The following SLCO2B1 variants were observed in gnomAD, a reference collection of about 807,000 sequenced individuals.
SLCO2B1 encodes OATP-RP2.
A neutral mutation model predicts 67.3 loss-of-function variants in SLCO2B1; 41 were observed. The observed-to-expected ratio is 0.61, with a 90% CI of 0.47 to 0.79. The LOEUF (loss-of-function observed/expected upper bound fraction) is 0.79, where lower values mean the gene tolerates loss of function less well. SLCO2B1 is among the 30% of genes least tolerant of loss of function. The pLI is 0.00. For synonymous variants in SLCO2B1, 379 were observed against 381.4 expected (o/e 0.99, Z 0.07); for missense variants, 837 against 920.1 (o/e 0.91, Z 1.17).
At chr11:75,182,078 T>A (rs1950098229) in intron 7 of SLCO2B1, among the ~76,000 whole-genome samples, 1 of 152,184 alleles carries the variant, frequency 6.6e-6, no homozygotes, top group Admixed American at 6.5e-5. Context: ...ACTGCTGTAA[T>A]CAAGTTGGTG....
At chr11:75,198,531 C>T (rs976599605) in intron 10 of SLCO2B1, among the ~76,000 whole-genome samples, 1 of 152,212 alleles carries the variant, frequency 6.6e-6, no homozygotes, top group African/African-American at 2.4e-5. Context: ...CAGGAAAGGA[C>T]CAGACATTGC....
chr11:75,200,272 G>T lies in SLCO2B1; in HGVS notation c.1648G>T (p.Ala550Ser). Residue 550 changes from alanine (A) to serine (S), a missense_variant, in exon 11 of 14, where the codon GCA becomes TCA. Coordinates refer to ENST00000289575, the MANE Select transcript of SLCO2B1 (RefSeq NM_007256.5). Reference sequence around the variant, plus strand: ...CGTGGTGGAGGGCAACCCCGTGCTGGCAGGATCCTGCGACTCAACGTGCAG... The same window carrying T: ...CGTGGTGGAGGGCAACCCCGTGCTGTCAGGATCCTGCGACTCAACGTGCAG... ...SCVVEGNPVL[A>S]GSCDSTCSHL... 1 of 1,613,840 alleles carries T rather than the reference G, an allele frequency of 6.2e-7. No individual in the cohort carries two copies. The highest frequency in any genetic ancestry group is 8.5e-7 in the Non-Finnish European group (1 of 1,179,920).
chr11:75,169,761 G>A lies in SLCO2B1; in HGVS notation c.778G>A (p.Glu260Lys). The A allele has an allele frequency of 6.2e-7, 1 of 1,613,636 alleles. No individual in the cohort carries two copies. Among genetic ancestry groups the A allele is most frequent in the Non-Finnish European group, 8.5e-7 (1 of 1,179,546 alleles). Residue 260 changes from glutamate (E) to lysine (K), a missense_variant, in exon 6 of 14, where the codon GAA (glutamate) becomes AAA (lysine). By Grantham distance (56) the Glu-to-Lys change is moderately conservative. Transcript: ENST00000289575. The stretch of plus-strand genomic sequence containing the variant: ...TTATGTGGACATTAACCAGATGCCA[G>A]AAGGTGAGCCTCAGGAGCACATGTT... Reference protein sequence around the residue: ...RLYVDINQMPEGGISLTIKDP... With the variant: ...RLYVDINQMPKGGISLTIKDP...
chr11:75,186,206 T>G (rs1944927206), intron 7 of SLCO2B1, among the ~76,000 whole-genome samples: 1 of 151,576 alleles, frequency 6.6e-6, no homozygotes, highest in Admixed American at 6.6e-5. Context: ...CCACCACACC[T>G]GGCTGATTTT....
intron 4 of SLCO2B1, among the ~76,000 whole-genome samples, chr11:75,166,564 C>A (rs1949895013): frequency 6.6e-6 from 1 of 152,062 alleles, no homozygotes; most frequent in South Asian, 2.1e-4. Context: ...CCCACTCACC[C>A]ACCCACCCAC....
intron 6 of SLCO2B1, 53 bp downstream of exon 6, chr11:75,169,817 T>A (rs1327900244): frequency 6.8e-7 from 1 of 1,465,208 alleles, no homozygotes; most frequent in South Asian, 1.1e-5. Context: ...ACTGCCACTC[T>A]CATAGGAGAC....
intron 10 of SLCO2B1, among the ~76,000 whole-genome samples, chr11:75,199,206 C>G (rs1355328508): frequency 6.6e-6 from 1 of 152,162 alleles, no homozygotes; most frequent in Non-Finnish European, 1.5e-5. Context: ...TGTGAAGGGT[C>G]TTCAGACCCT....
In SLCO2B1 at chr11:75,169,206, G is replaced by T. The variant is rs1399675655; in HGVS notation, c.482G>T (p.Cys161Phe). Reference sequence around the variant, plus strand: ...CCACAGGACTTCAAGGCTTCCCTGTGCCTGCCCACAACCTCGGCCCCAGCC... The same window carrying T: ...CCACAGGACTTCAAGGCTTCCCTGTTCCTGCCCACAACCTCGGCCCCAGCC... ...DMPQDFKASLCLPTTSAPASA... is the reference protein window; with the variant it reads ...DMPQDFKASLFLPTTSAPASA... Residue 161 changes from cysteine to phenylalanine, a missense_variant, in exon 5 of 14, where the codon TGC (cysteine) becomes TTC (phenylalanine). Physicochemically the swap from Cys to Phe is radical, Grantham distance 205 (BLOSUM62 -2). Coordinates refer to ENST00000289575, the MANE Select transcript of SLCO2B1 (RefSeq NM_007256.5). The T allele has an allele frequency of 6.2e-7, 1 of 1,613,912 alleles. No individual in the cohort carries two copies. The highest frequency in any genetic ancestry group is 8.5e-7 in the Non-Finnish European group (1 of 1,179,932).
rs751122652 is a variant in SLCO2B1, at chr11:75,193,490, A to T, written c.1348A>T (p.Met450Leu). The T allele has an allele frequency of 3.7e-6, 6 of 1,609,738 alleles. No individual in the cohort carries two copies. Among genetic ancestry groups the T allele is most frequent in the Non-Finnish European group, 8.5e-7 (1 of 1,177,242 alleles). The change falls in exon 9 of 14, where the codon ATG becomes TTG. Residue 450 changes from methionine to leucine, a missense_variant. By Grantham distance (15) the Met-to-Leu change is conservative (BLOSUM62 2). Coordinates refer to ENST00000289575, the MANE Select transcript of SLCO2B1 (RefSeq NM_007256.5). The surrounding 1 kb of genome is among the most constrained non-coding windows in gnomAD (Gnocchi z 4.2). The stretch of plus-strand genomic sequence containing the variant: ...ATGCGGTGCCCTTTGCCTGCTGGGG[A>T]TGCTGCTGTGCCTCTTCTTCAGCCT... Reference protein sequence around the residue: ...VGCGALCLLGMLLCLFFSLPL... With the variant: ...VGCGALCLLGLLLCLFFSLPL...
chr11:75,161,598 T>C (rs1392462839), intron 1 of SLCO2B1, among the ~76,000 whole-genome samples: 3 of 152,016 alleles, frequency 2.0e-5, no homozygotes, highest in Non-Finnish European at 4.4e-5. Context: ...ATCAGAGGAA[T>C]CCTGAGGTCA....
At chr11:75,196,369 T>A in intron 9 of SLCO2B1, 145 bp from the exon 10 acceptor site, 2 of 773,500 alleles carry the variant, frequency 2.6e-6, no homozygotes, top group Admixed American at 2.9e-5. Flanking sequence ...TATCACGCCA[T>A]CATCGGGCAG....
chr11:75,165,186 C>T (rs574590395), intron 3 of SLCO2B1, among the ~76,000 whole-genome samples: 4 of 152,208 alleles, frequency 2.6e-5, no homozygotes, highest in South Asian at 4.2e-4. Flanking sequence ...AATCCCAGCA[C>T]TTTGGGAGGC....
Position 75,193,633 on chromosome 11 carries a change from G to T in SLCO2B1, c.1433+58G>T. 2.1e-6 allele frequency: 3 copies of T among 1,455,200 alleles called. No individual in the cohort carries two copies. The highest frequency in any genetic ancestry group is 2.8e-6 in the Non-Finnish European group (3 of 1,090,396). The allele number at this position is 1,455,200 out of a possible 1,614,324, so 90.1% of individuals were successfully genotyped here. A position where few individuals can be genotyped will look rare whatever the true frequency, so the allele number is the denominator to read the frequency against. ...CTGGGAGGACAGGACAGGGAGGACA[G>T]GGGCCCTGGGCAGAGGCCAGGATGG... On this transcript the variant is annotated intron_variant, in intron 9 of 13. Transcript: ENST00000289575. The surrounding 1 kb of genome is among the most constrained non-coding windows in gnomAD (Gnocchi z 4.2).
chr11:75,184,798 A>G (rs1359207267), intron 7 of SLCO2B1, among the ~76,000 whole-genome samples: 1 of 151,990 alleles, frequency 6.6e-6, no homozygotes, highest in Non-Finnish European at 1.5e-5. Context: ...CCTCTTTTCC[A>G]GGCTTTATTT....
chr11:75,196,757 C>T lies in SLCO2B1; in HGVS notation c.1599+78C>T, dbSNP rs974031873. On this transcript the variant is annotated intron_variant, in intron 10 of 13. Coordinates refer to ENST00000289575, the MANE Select transcript of SLCO2B1 (RefSeq NM_007256.5). ...GTCTCTGTGGGCCTGTCATACTCTC[C>T]ACTTCTGCATGCTCTCACTCTGTAG... 5.2e-5 allele frequency: 69 copies of T among 1,317,834 alleles called. No homozygotes were observed. In the Admixed American group the frequency reaches 1.2e-3, roughly 23 times the overall value. 81.6% of individuals were successfully genotyped at this position (1,317,834 alleles called of 1,614,324 possible).
At chr11:75,169,530 TC>T in intron 5 of SLCO2B1, 124 bp downstream of exon 5, 1 of 1,197,602 alleles carries the variant, frequency 8.4e-7, no homozygotes, top group African/African-American at 1.5e-5. Flanking sequence ...CCAGTAAAGG[TC>T]CAGGGAAGCC....
chr11:75,157,399 A>G (rs1949757887), intron 1 of SLCO2B1, among the ~76,000 whole-genome samples: 1 of 152,168 alleles, frequency 6.6e-6, no homozygotes, highest in Admixed American at 6.5e-5. Flanking sequence ...TCCTCAGGAG[A>G]TGCTTTCTGC....
At chr11:75,166,071 G>T in intron 4 of SLCO2B1, 122 bp downstream of exon 4, 1 of 1,211,742 alleles carries the variant, frequency 8.3e-7, no homozygotes, top group Non-Finnish European at 1.1e-6. Flanking sequence ...CCCCAGGACA[G>T]CTGCTAGTCC....
intron 7 of SLCO2B1, among the ~76,000 whole-genome samples, chr11:75,176,195 G>A (rs1004970712): frequency 4.6e-5 from 7 of 152,152 alleles, no homozygotes; most frequent in South Asian, 2.1e-4. Context: ...CAGATTCTTC[G>A]TCCCCATCTG....
Sources: gnomAD v4.1 joint callset for allele counts (sites outside exome capture counted in the v4.1 genomes callset) on GRCh38, gnomAD v4.1.1 for gene constraint, Gnocchi (gnomAD v3.1) non-coding constraint, MANE v1.5 for transcripts, NCBI Gene and HGNC (gene_info 2026-07-23, HGNC 2026-07-21) for gene names.